The following MARCHF1 variants were observed in gnomAD, a reference collection of about 807,000 sequenced individuals.
MARCHF1 encodes E3 ubiquitin-protein ligase MARCHF1.
MARCHF1 carries 40 observed loss-of-function variants against 54.2 expected under a neutral mutation model. The ratio of observed to expected loss-of-function variants is 0.74; its 90% CI spans 0.57 to 0.96. MARCHF1 has a LOEUF of 0.96. MARCHF1 is among the 40% of genes least tolerant of loss of function. The probability of loss-of-function intolerance (pLI) is 0.00; values close to 1 mark genes in which losing one functional copy is unlikely to be tolerated. For missense variants in MARCHF1, 586 were observed against 656.5 expected, an observed-to-expected ratio of 0.89 and a Z score of 1.17; for synonymous variants, 236 against 236.3, an observed-to-expected ratio of 1.00 and a Z score of 0.01.
At chr4:164,366,675 AT>A (rs1473489802) in intron 1 of MARCHF1, among the ~76,000 whole-genome samples, 1 of 151,702 alleles carries the variant, frequency 6.6e-6, no homozygotes. Flanking sequence ...TTTTTGCCTC[AT>A]TTTTTCCAGT....
chr4:163,580,804 T>TTC (rs1740205423), intron 8 of MARCHF1, among the ~76,000 whole-genome samples: 1 of 41,992 alleles, frequency 2.4e-5, no homozygotes, highest in East Asian at 8.6e-4. Context: ...TAAAGTTTTT[T>TTC]TTTTTTTTTG....
Position 163,781,065 on chromosome 4 carries a change from C to T in MARCHF1, c.111+72956G>A, listed in dbSNP as rs115795474. Among the ~76,000 whole-genome samples the T allele has an allele frequency of 7.2e-3, 1,100 of 152,072 alleles. 8 individuals are homozygous for T. The highest frequency in any genetic ancestry group is 0.03 in the South Asian group (146 of 4,810). ...AAGGACAATTAAAAAGAACAGAGGC[C>T]GGGCACGGTGGCTCACGCCTATAAT... On this transcript the variant is annotated intron_variant, in intron 4 of 9. Transcript: ENST00000514618.
chr4:163,974,849 T>C (rs571778960), intron 3 of MARCHF1, among the ~76,000 whole-genome samples: 1 of 152,222 alleles, frequency 6.6e-6, no homozygotes, highest in East Asian at 1.9e-4. Flanking sequence ...AGTTTCTAAA[T>C]GAGATTAACA....
intron 1 of MARCHF1, among the ~76,000 whole-genome samples, chr4:164,198,257 G>C (rs560100779): frequency 6.6e-6 from 1 of 152,246 alleles, no homozygotes; most frequent in African/African-American, 2.4e-5. Flanking sequence ...CATGAATTAT[G>C]AATTTTCCAC....
intron 3 of MARCHF1, among the ~76,000 whole-genome samples, chr4:163,894,078 A>C (rs1239687805): frequency 2.6e-5 from 4 of 152,180 alleles, no homozygotes; most frequent in Non-Finnish European, 5.9e-5. Flanking sequence ...CAGAAAATGA[A>C]GCAGCATAAA....
chr4:164,233,848 C>T (rs112024141), intron 1 of MARCHF1, among the ~76,000 whole-genome samples: 2,960 of 152,204 alleles, frequency 0.019, 96 homozygotes, highest in East Asian at 0.12. Context: ...ATACCACCAT[C>T]ACTACCAAGA....
chr4:164,200,770 A>G (rs971158080), intron 1 of MARCHF1, among the ~76,000 whole-genome samples: 1 of 152,208 alleles, frequency 6.6e-6, no homozygotes, highest in Non-Finnish European at 1.5e-5. Flanking sequence ...TAATTTCAGA[A>G]AGCAATAAGT....
intron 5 of MARCHF1, among the ~76,000 whole-genome samples, chr4:163,688,221 G>A (rs1488149129): frequency 6.6e-6 from 1 of 151,900 alleles, no homozygotes; most frequent in African/African-American, 2.4e-5. Context: ...AAAAAAAGCT[G>A]AAGTTATAAA....
Position 164,163,588 on chromosome 4 carries a change from T to C in MARCHF1, c.-322-51926A>G, listed in dbSNP as rs1040589330. 3.9e-5 allele frequency among the ~76,000 whole-genome samples: 6 copies of C among 151,930 alleles called. No individual in the cohort carries two copies. The South Asian group carries it at 1.0e-3, about 26-fold the overall frequency. On this transcript the variant is annotated intron_variant, in intron 1 of 9. Coordinates refer to ENST00000514618, the MANE Select transcript of MARCHF1 (RefSeq NM_001394959.1). ...AAAAAGACAGGACAAATTTTGAAAG[T>C]TTCAAAATACATAAAGCAAAACATA...
intron 2 of MARCHF1, among the ~76,000 whole-genome samples, chr4:164,109,208 T>C (rs568747560): frequency 6.6e-6 from 1 of 152,178 alleles, no homozygotes; most frequent in Non-Finnish European, 1.5e-5. Flanking sequence ...TAATTTATGA[T>C]CATATAATCC....
intron 3 of MARCHF1, among the ~76,000 whole-genome samples, chr4:163,941,737 A>G (rs1751916989): frequency 6.6e-6 from 1 of 152,166 alleles, no homozygotes; most frequent in Admixed American, 6.6e-5. Context: ...ATTCGTCAAA[A>G]GGAGATAAGA....
intron 2 of MARCHF1, among the ~76,000 whole-genome samples, chr4:164,102,784 T>G (rs996555664): frequency 1.4e-5 from 2 of 147,812 alleles, no homozygotes; most frequent in Non-Finnish European, 3.0e-5. Flanking sequence ...TAAATGTCAA[T>G]GGACTAAATG....
chr4:164,210,851 T>G (rs1731744530), intron 1 of MARCHF1, among the ~76,000 whole-genome samples: 1 of 152,128 alleles, frequency 6.6e-6, no homozygotes, highest in Non-Finnish European at 1.5e-5. Flanking sequence ...TATACTGCCT[T>G]TATAAAGAAA....
At chr4:164,081,872 C>T (rs568603806) in intron 2 of MARCHF1, among the ~76,000 whole-genome samples, 1 of 152,290 alleles carries the variant, frequency 6.6e-6, no homozygotes, top group Admixed American at 6.5e-5. Flanking sequence ...TCCAGGACTC[C>T]ACTATTCCAC....
Position 163,757,100 on chromosome 4 carries a change from A to G in MARCHF1, c.112-56237T>C, listed in dbSNP as rs115283841. Among the ~76,000 whole-genome samples the G allele has an allele frequency of 7.8e-3, 1,192 of 152,348 alleles. 10 individuals are homozygous for G. Among genetic ancestry groups the G allele is most frequent in the South Asian group, 0.03 (144 of 4,824 alleles). The stretch of plus-strand genomic sequence containing the variant: ...CCTTAAACTCAACTTTTCCTACATC[A>G]AAATCTTTGTTAAATCAGTAACGTT... On this transcript the variant is annotated intron_variant, in intron 4 of 9. Transcript: ENST00000514618.
chr4:163,803,388 G>A (rs1388823755), intron 4 of MARCHF1, among the ~76,000 whole-genome samples: 1 of 149,716 alleles, frequency 6.7e-6, no homozygotes, highest in Non-Finnish European at 1.5e-5. Flanking sequence ...GGCCCGGCTG[G>A]TCTTGAACTC....
chr4:163,726,823 T>C (rs1228153647), intron 4 of MARCHF1, among the ~76,000 whole-genome samples: 1 of 152,208 alleles, frequency 6.6e-6, no homozygotes, highest in Non-Finnish European at 1.5e-5. Flanking sequence ...TTGTTTTAAT[T>C]TGCAATTTCT....
chr4:164,158,184 A>C (rs1402765575), intron 1 of MARCHF1, among the ~76,000 whole-genome samples: 1 of 152,222 alleles, frequency 6.6e-6, no homozygotes, highest in Non-Finnish European at 1.5e-5. Flanking sequence ...TCAATGTTTT[A>C]ATTAGCTAAA....
intron 4 of MARCHF1, among the ~76,000 whole-genome samples, chr4:163,817,406 CAT>C (rs1231776034): frequency 4.0e-5 from 6 of 151,004 alleles, no homozygotes; most frequent in South Asian, 2.1e-4. Flanking sequence ...TACACATATA[CAT>C]ATATATGTAT....
Sources: gnomAD v4.1 joint callset for allele counts (sites outside exome capture counted in the v4.1 genomes callset) on GRCh38, gnomAD v4.1.1 for gene constraint, MANE v1.5 for transcripts, NCBI Gene and HGNC (gene_info 2026-07-23, HGNC 2026-07-21) for gene names.